Variants in GRM1 observed in about 807,000 individuals in gnomAD.
GRM1 encodes the protein metabotropic glutamate receptor 1.
GRM1 carries 33 observed loss-of-function variants against 90.9 expected under a neutral mutation model. The observed-to-expected ratio is 0.36, with a 90% confidence interval of 0.28 to 0.49. GRM1 has a LOEUF of 0.49. Ranked by LOEUF, GRM1 falls within the 20% of genes least tolerant of loss-of-function variation. The pLI is 0.99. For synonymous variants in GRM1, 700 were observed against 613.2 expected, an observed-to-expected ratio of 1.14 and a Z score of -2.09; for missense variants, 1,190 against 1,534.3, an observed-to-expected ratio of 0.78 and a Z score of 3.75.
intron 1 of GRM1, among the ~76,000 whole-genome samples, chr6:146,042,542 G>C (rs901276460): frequency 2.0e-5 from 3 of 151,992 alleles, no homozygotes; most frequent in African/African-American, 7.2e-5. Context: ...TTCTCTGCGT[G>C]GTGATGTAGT....
At chr6:146,285,099 A>G (rs1472787413) in intron 2 of GRM1, among the ~76,000 whole-genome samples, 1 of 152,212 alleles carries the variant, frequency 6.6e-6, no homozygotes, top group African/African-American at 2.4e-5. Context: ...TCATCTAGAC[A>G]AATTTCTATT....
intron 2 of GRM1, among the ~76,000 whole-genome samples, chr6:146,189,196 A>G (rs971779776): frequency 1.3e-5 from 2 of 152,200 alleles, no homozygotes; most frequent in African/African-American, 4.8e-5. Flanking sequence ...ACATCATTAA[A>G]GAAACTTTTT....
chr6:146,383,635 A>G (rs1583420155), intron 5 of GRM1, among the ~76,000 whole-genome samples: 2 of 152,274 alleles, frequency 1.3e-5, no homozygotes, highest in East Asian at 3.9e-4. Flanking sequence ...ACACTTGCTG[A>G]AAATATTCTG....
intron 2 of GRM1, among the ~76,000 whole-genome samples, chr6:146,281,148 C>T (rs142114436): frequency 0.016 from 2,422 of 152,278 alleles, 34 homozygotes; most frequent in Non-Finnish European, 0.026. Context: ...CACTGCTTTT[C>T]TACCTTCTTC....
At chr6:146,386,137 G>T (rs557889238) in intron 5 of GRM1, among the ~76,000 whole-genome samples, 2 of 152,130 alleles carry the variant, frequency 1.3e-5, no homozygotes, top group East Asian at 3.9e-4. Flanking sequence ...AGACCAAATT[G>T]TGTGCTGTCT....
intron 2 of GRM1, among the ~76,000 whole-genome samples, chr6:146,208,348 A>C (rs1309587216): frequency 6.6e-6 from 1 of 152,138 alleles, no homozygotes; most frequent in Non-Finnish European, 1.5e-5. Context: ...AAAAAAATGT[A>C]TATTTTTTTC....
At chr6:146,362,316 A>G (rs1241056472) in intron 5 of GRM1, among the ~76,000 whole-genome samples, 1 of 152,192 alleles carries the variant, frequency 6.6e-6, no homozygotes, top group Non-Finnish European at 1.5e-5. Flanking sequence ...CCTTATTTAT[A>G]TAGAACAAAG....
At chr6:146,048,260 A>G (rs1791405551) in intron 1 of GRM1, among the ~76,000 whole-genome samples, 1 of 152,014 alleles carries the variant, frequency 6.6e-6, no homozygotes, top group Non-Finnish European at 1.5e-5. Context: ...TGGGCTGGCC[A>G]GGGTATTGGA....
chr6:146,226,885 G>A (rs549351687), intron 2 of GRM1, among the ~76,000 whole-genome samples: 20 of 152,020 alleles, frequency 1.3e-4, no homozygotes, highest in Non-Finnish European at 1.5e-4. Flanking sequence ...ATCTGTTACT[G>A]CATTTGCTCT....
At chr6:146,242,303 A>T (rs1300278825) in intron 2 of GRM1, among the ~76,000 whole-genome samples, 2 of 152,080 alleles carry the variant, frequency 1.3e-5, no homozygotes, top group Non-Finnish European at 2.9e-5. Context: ...CCTCTTCAAT[A>T]CTCAGCTCTG....
chr6:146,242,302 T>C (rs1780893360), intron 2 of GRM1, among the ~76,000 whole-genome samples: 1 of 152,174 alleles, frequency 6.6e-6, no homozygotes, highest in African/African-American at 2.4e-5. Context: ...CCCTCTTCAA[T>C]ACTCAGCTCT....
chr6:146,432,497 A>G (rs975144798), intron 7 of GRM1, among the ~76,000 whole-genome samples: 9 of 152,174 alleles, frequency 5.9e-5, no homozygotes, highest in Non-Finnish European at 1.2e-4. Context: ...TATTTAAACT[A>G]CTGATCATTT....
chr6:146,046,075 C>A (rs1394187046), intron 1 of GRM1, among the ~76,000 whole-genome samples: 1 of 151,990 alleles, frequency 6.6e-6, no homozygotes, highest in African/African-American at 2.4e-5. Flanking sequence ...TGCTTTAAGT[C>A]CATCTGTCTT....
chr6:146,091,164 G>C (rs907372144), intron 1 of GRM1, among the ~76,000 whole-genome samples: 1 of 152,038 alleles, frequency 6.6e-6, no homozygotes, highest in African/African-American at 2.4e-5. Context: ...AGACTTTGCT[G>C]TCTGAAAAAA....
intron 2 of GRM1, among the ~76,000 whole-genome samples, chr6:146,234,494 T>C (rs1021393549): frequency 4.6e-5 from 7 of 152,078 alleles, no homozygotes; most frequent in African/African-American, 1.7e-4. Flanking sequence ...TTTTTTTTAG[T>C]GGTTGCCATT....
intron 2 of GRM1, among the ~76,000 whole-genome samples, chr6:146,264,114 A>G (rs1442192329): frequency 1.3e-5 from 2 of 152,138 alleles, no homozygotes; most frequent in Admixed American, 6.5e-5. Flanking sequence ...ACCGTCTTGG[A>G]AAGCATGATG....
chr6:146,154,362 GC>G (rs1249773769), intron 1 of GRM1, among the ~76,000 whole-genome samples: 1 of 152,060 alleles, frequency 6.6e-6, no homozygotes, highest in Non-Finnish European at 1.5e-5. Flanking sequence ...CCTTCCTCGC[GC>G]CCTCTTCTGC....
At chr6:146,199,799 C>A (rs376509756) in intron 2 of GRM1, among the ~76,000 whole-genome samples, 1 of 152,134 alleles carries the variant, frequency 6.6e-6, no homozygotes, top group Non-Finnish European at 1.5e-5. Context: ...AGGCAAATCA[C>A]CTGAGGTCAG....
chr6:146,122,831 T>TTTTC (rs1432861131), intron 1 of GRM1, among the ~76,000 whole-genome samples: 12 of 143,248 alleles, frequency 8.4e-5, no homozygotes, highest in African/African-American at 1.8e-4. Flanking sequence ...CTTTCTTTTC[T>TTTTC]TTTCTTTCTT....
Sources: allele counts gnomAD v4.1 joint callset (sites outside exome capture counted in the v4.1 genomes callset), GRCh38; gene constraint gnomAD v4.1.1; transcripts MANE v1.5; gene names NCBI Gene and HGNC (gene_info 2026-07-23, HGNC 2026-07-21).